RTP1: variants seen among roughly 807,000 people sequenced by gnomAD.
RTP1 encodes receptor-transporting protein 1.
A neutral mutation model predicts 27.1 loss-of-function variants in RTP1; 24 were observed. That is an observed-to-expected ratio of 0.89 (90% CI 0.64 to 1.25). The LOEUF is 1.25. RTP1 is among the 50% of genes most tolerant of loss of function. The probability of loss-of-function intolerance (pLI) is 0.00; values close to 1 mark genes in which losing one functional copy is unlikely to be tolerated. For missense variants in RTP1, 338 were observed against 351.6 expected, an observed-to-expected ratio of 0.96 and a Z score of 0.31; for synonymous variants, 148 against 148.1, an observed-to-expected ratio of 1.00 and a Z score of 0.00.
intron 1 of RTP1, chr3:187,199,242 G>A (rs906464689): frequency 1.3e-5 from 5 of 373,210 alleles, no homozygotes; most frequent in African/African-American, 2.0e-5. Flanking sequence ...TGCACCAAGC[G>A]CATTTTGCCC....
chr3:187,199,414 T>A, intron 1 of RTP1, 137 bp from the exon 2 acceptor site: 1 of 952,620 alleles, frequency 1.0e-6, no homozygotes, highest in Non-Finnish European at 1.6e-6. Flanking sequence ...GGAAAGCTAA[T>A]GAACCCAGGG....
In RTP1 at chr3:187,197,512, G is replaced by T. The variant is rs766562918; in HGVS notation, c.-4G>T. Reference sequence around the variant, plus strand: ...CTGGGTCCTGCTTCCTCCTGGTCTTGTCGATGAGGATTTTTAGACCGTGGA... The same window carrying T: ...CTGGGTCCTGCTTCCTCCTGGTCTTTTCGATGAGGATTTTTAGACCGTGGA... On this transcript the variant is annotated 5_prime_UTR_variant, in exon 1 of 2. Coordinates refer to ENST00000312295, the MANE Select transcript of RTP1 (RefSeq NM_153708.3). The T allele has an allele frequency of 6.2e-7, 1 of 1,611,906 alleles. No homozygotes were observed. Among genetic ancestry groups the T allele is most frequent in the East Asian group, 2.2e-5 (1 of 44,796 alleles).
Position 187,197,825 on chromosome 3 carries a change from T to C in RTP1, c.272+38T>C, listed in dbSNP as rs770383043. On this transcript the variant is annotated intron_variant, in intron 1 of 1. Coordinates refer to ENST00000312295, the MANE Select transcript of RTP1 (RefSeq NM_153708.3). ...GGAAGGTGGATCCCTGCAGGCCGCC[T>C]CTAGGTCCCTAGCTCTGGGGCACCT... The C allele has an allele frequency of 2.5e-6, 4 of 1,591,426 alleles. No individual in the cohort carries two copies. The Admixed American group carries it at 5.1e-5, about 20-fold the overall frequency.
intron 1 of RTP1, 191 bp downstream of exon 1, chr3:187,197,978 T>C: frequency 1.7e-6 from 1 of 587,672 alleles, no homozygotes; most frequent in Non-Finnish European, 3.0e-6. Context: ...GGATTTCAGC[T>C]CTTCTACTGA....
rs1373744611 is a variant in RTP1 at position 187,200,166 on chromosome 3, C to A, written c.*96C>A. ...GGTTGAGAATAGTGTAAACTTCTAG[C>A]GCTGGTGATGTCACTGACTCAGTGG... On this transcript the variant is annotated 3_prime_UTR_variant, in exon 2 of 2. Transcript: ENST00000312295. 1 of 1,094,364 alleles carries A rather than the reference C, an allele frequency of 9.1e-7. No individual in the cohort carries two copies. Among genetic ancestry groups the A allele is most frequent in the Non-Finnish European group, 1.3e-6 (1 of 795,992 alleles). 67.8% of individuals were successfully genotyped at this position (1,094,364 alleles called of 1,614,324 possible).
rs1334591520 is a variant in RTP1 at position 187,197,687 on chromosome 3, A to G, written c.172A>G (p.Lys58Glu). 1.9e-6 allele frequency: 3 copies of G among 1,614,178 alleles called. No individual in the cohort carries two copies. The highest frequency in any genetic ancestry group is 8.5e-7 in the Non-Finnish European group (1 of 1,180,034). The change falls in exon 1 of 2, where the codon AAG becomes GAG. Residue 58 changes from lysine (K) to glutamate (E), a missense_variant. Transcript: ENST00000312295. ...KVFYEKMEEAKPADSWDLIID... is the reference protein window; with the variant it reads ...KVFYEKMEEAEPADSWDLIID... ...CTTCTATGAGAAGATGGAGGAGGCA[A>G]AGCCGGCTGACAGCTGGGACCTCAT...
Position 187,199,910 on chromosome 3 carries a change from A to C in RTP1, c.632A>C (p.Glu211Ala), listed in dbSNP as rs763680172. Residue 211 changes from glutamate (E) to alanine (A), a missense_variant, in exon 2 of 2, where the codon GAG becomes GCG. Physicochemically the swap from Glu to Ala is moderately radical, Grantham distance 107. This residue lies in a region of RTP1 where 252 missense variants were observed against 231.5 expected (regional missense o/e 1.09). Coordinates refer to ENST00000312295, the MANE Select transcript of RTP1 (RefSeq NM_153708.3). ...WKPSEKLLEE[E>A]ATTYTFSRAP... ...CCCAGCGAGAAGCTGCTGGAGGAGGAGGCGACCACCTACACCTTCTCCCGG... is the reference window on the plus strand; with the variant it reads ...CCCAGCGAGAAGCTGCTGGAGGAGGCGGCGACCACCTACACCTTCTCCCGG... 7 of 1,592,132 alleles carry C rather than the reference A, an allele frequency of 4.4e-6. No homozygotes were observed. The Admixed American group carries it at 6.8e-5, about 15-fold the overall frequency.
chr3:187,198,227 T>C (rs1448203894), intron 1 of RTP1, among the ~76,000 whole-genome samples: 1 of 152,234 alleles, frequency 6.6e-6, no homozygotes, highest in African/African-American at 2.4e-5. Flanking sequence ...TCACTTAAAA[T>C]ATTGAATACA....
At chr3:187,198,239 G>T (rs1721638806) in intron 1 of RTP1, among the ~76,000 whole-genome samples, 1 of 152,166 alleles carries the variant, frequency 6.6e-6, no homozygotes, top group African/African-American at 2.4e-5. Flanking sequence ...TTGAATACAT[G>T]AGATGTGCCA....
Position 187,199,470 on chromosome 3 carries a change from A to C in RTP1, c.273-81A>C, listed in dbSNP as rs117691254. 6.4e-4 allele frequency: 925 copies of C among 1,454,968 alleles called. 6 individuals carry two copies. The Middle Eastern group carries it at 0.02, about 32-fold the overall frequency. 90.1% of individuals were successfully genotyped at this position (1,454,968 alleles called of 1,614,324 possible). A position where few individuals can be genotyped will look rare whatever the true frequency, so the allele number is the denominator to read the frequency against. On this transcript the variant is annotated intron_variant, in intron 1 of 1. Coordinates refer to ENST00000312295, the MANE Select transcript of RTP1 (RefSeq NM_153708.3). The stretch of plus-strand genomic sequence containing the variant: ...CACCTCCAGGCTCTGCTTAGCCTCC[A>C]CGTCCCCTCACGCCATTCCTAGGGC...
intron 1 of RTP1, 34 bp downstream of exon 1, chr3:187,197,821 C>T (rs200624629): frequency 1.3e-5 from 20 of 1,597,038 alleles, no homozygotes; most frequent in Admixed American, 8.4e-5. Flanking sequence ...CCCTGCAGGC[C>T]GCCTCTAGGT....
intron 1 of RTP1, 123 bp from the exon 2 acceptor site, chr3:187,199,428 C>A (rs151101071): frequency 9.5e-4 from 1,078 of 1,129,894 alleles, no homozygotes; most frequent in Middle Eastern, 5.5e-3. Context: ...CCCAGGGCGC[C>A]GGCAACACAC....
Position 187,200,053 on chromosome 3 carries a change from T to C in RTP1, c.775T>C (p.Phe259Leu). 6.6e-7 allele frequency: 1 copy of C among 1,514,436 alleles called. No homozygotes were observed. Among genetic ancestry groups the C allele is most frequent in the African/African-American group, 1.4e-5 (1 of 71,812 alleles). The allele number at this position is 1,514,436 out of a possible 1,614,324, so 93.8% of individuals were successfully genotyped here. ...GCTGATCATCTACCTGCAGTTCTCT[T>C]TCCGTAGCTCCGTATAAGATTCCGT... ...LLLIIYLQFS[F>L]RSSV is the part of the protein sequence containing the mutation. The change falls in exon 2 of 2, where the codon TTC becomes CTC. Residue 259 changes from phenylalanine to leucine, a missense_variant. Physicochemically the swap from Phe to Leu is conservative, Grantham distance 22. Coordinates refer to ENST00000312295, the MANE Select transcript of RTP1 (RefSeq NM_153708.3).
intron 1 of RTP1, 47 bp downstream of exon 1, chr3:187,197,834 C>G (rs1289093606): frequency 6.3e-7 from 1 of 1,577,044 alleles, no homozygotes; most frequent in Non-Finnish European, 8.7e-7. Context: ...CTCTAGGTCC[C>G]TAGCTCTGGG....
chr3:187,198,869 G>A (rs1425628302), intron 1 of RTP1, among the ~76,000 whole-genome samples: 1 of 152,310 alleles, frequency 6.6e-6, no homozygotes, highest in East Asian at 1.9e-4. Context: ...TGGCTGACAG[G>A]AGGGGTGTCA....
At position 187,200,078 on chromosome 3, in the gene RTP1, TGGTTGGGC is replaced by T; in HGVS notation, c.*9_*16del. ...TTCCGTAGCTCCGTATAAGATTCCG[TGGTTGGGC>T]CCAGAGCCTGTCGAGGGTGCCAGTT... is the stretch of plus-strand genomic sequence containing the variant. On this transcript the variant is annotated 3_prime_UTR_variant, in exon 2 of 2. Transcript: ENST00000312295. 2.7e-6 allele frequency: 4 copies of T among 1,501,736 alleles called. No individual in the cohort carries two copies. The highest frequency in any genetic ancestry group is 3.6e-6 in the Non-Finnish European group (4 of 1,123,536). The allele number at this position is 1,501,736 out of a possible 1,614,324, so 93.0% of individuals were successfully genotyped here.
At position 187,197,785 on chromosome 3, in the gene RTP1, C is replaced by A; in HGVS notation, c.270C>A (p.Gly90=). The change falls in exon 1 of 2, where the codon GGC becomes GGA. Residue 90 remains glycine (G), a splice_region_variant and synonymous_variant. Coordinates refer to ENST00000312295, the MANE Select transcript of RTP1 (RefSeq NM_153708.3). ...WKQYLELHAS[G]RFHCSWCWHT... ...AGTACCTGGAATTGCATGCTTCAGG[C>A]AGGTGAGTAGCCCAGGAAGGTGGAT... is the stretch of plus-strand genomic sequence containing the variant. 1 of 1,611,584 alleles carries A rather than the reference C, an allele frequency of 6.2e-7. No individual in the cohort carries two copies. The highest frequency in any genetic ancestry group is 2.2e-5 in the East Asian group (1 of 44,830).
chr3:187,199,633 CG>C lies in RTP1; in HGVS notation c.358del (p.Ala120ArgfsTer132), dbSNP rs1721668186. On this transcript the variant is annotated frameshift_variant, in exon 2 of 2. Transcript: ENST00000312295. LOFTEE classifies it high-confidence loss of function. ...LFHMFLDRAQRAGSVRMRVFK... is the reference protein window; with the variant it reads ...LFHMFLDRAQXAGSVRMRVFK... Reference sequence around the variant, plus strand: ...CCACATGTTCCTGGACCGCGCCCAGCGGGCGGGCTCGGTGCGCATGCGCGTC... The same window carrying C: ...CCACATGTTCCTGGACCGCGCCCAGCGGCGGGCTCGGTGCGCATGCGCGTC... 6.2e-7 allele frequency: 1 copy of C among 1,608,634 alleles called. No individual in the cohort carries two copies. The highest frequency in any genetic ancestry group is 8.5e-7 in the Non-Finnish European group (1 of 1,175,690).
In RTP1 at chr3:187,200,184, C is replaced by T. The variant is rs1016622455; in HGVS notation, c.*114C>T. The stretch of plus-strand genomic sequence containing the variant: ...CTTCTAGCGCTGGTGATGTCACTGA[C>T]TCAGTGGGGATCTTGGACAAATTAT... On this transcript the variant is annotated 3_prime_UTR_variant, in exon 2 of 2. Transcript: ENST00000312295. 1 of 887,876 alleles carries T rather than the reference C, an allele frequency of 1.1e-6. No individual in the cohort carries two copies. Among genetic ancestry groups the T allele is most frequent in the Admixed American group, 3.0e-5 (1 of 33,478 alleles). 55.0% of individuals were successfully genotyped at this position (887,876 alleles called of 1,614,324 possible).
Sources: gnomAD v4.1 joint callset for allele counts (sites outside exome capture counted in the v4.1 genomes callset) on GRCh38, gnomAD v4.1.1 for gene constraint, gnomAD v4.1.1 regional missense constraint, MANE v1.5 for transcripts, NCBI Gene and HGNC (gene_info 2026-07-23, HGNC 2026-07-21) for gene names.